MDGA2: variants seen among roughly 807,000 people sequenced by gnomAD.
MDGA2 encodes the protein MAM domain containing glycosylphosphatidylinositol anchor 2.
Under a neutral mutation model 117.8 loss-of-function variants are expected in MDGA2, and 40 were observed. The observed-to-expected ratio is 0.34, with a 90% CI of 0.26 to 0.44. MDGA2 has a LOEUF of 0.44. MDGA2 is among the 20% of genes least tolerant of loss of function. The probability of loss-of-function intolerance (pLI) is 1.00; values close to 1 mark genes in which losing one functional copy is unlikely to be tolerated. For synonymous variants in MDGA2, 452 were observed against 439.0 expected, an observed-to-expected ratio of 1.03 and a Z score of -0.37; for missense variants, 1,123 against 1,250.6, an observed-to-expected ratio of 0.90 and a Z score of 1.54.
At chr14:47,287,035 G>C (rs1296572865) in intron 2 of MDGA2, among the ~76,000 whole-genome samples, 1 of 151,480 alleles carries the variant, frequency 6.6e-6, no homozygotes, top group Non-Finnish European at 1.5e-5. Flanking sequence ...TTAAATAACT[G>C]TACTATATAC....
At position 47,170,548 on chromosome 14, in the gene MDGA2, A is replaced by G. The variant is rs142074890; in HGVS notation, c.596-26274T>C. Reference sequence around the variant, plus strand: ...GACTTAAGAAGTCAAGCAAAGATTCAAGGATTAGTCTATTGAACCTCAAAG... The same window carrying G: ...GACTTAAGAAGTCAAGCAAAGATTCGAGGATTAGTCTATTGAACCTCAAAG... On this transcript the variant is annotated intron_variant, in intron 3 of 16. Coordinates refer to ENST00000399232, the MANE Select transcript of MDGA2 (RefSeq NM_001113498.3). Among the ~76,000 whole-genome samples the G allele has an allele frequency of 4.3e-4, 66 of 152,244 alleles. No homozygotes were observed. The East Asian group carries it at 9.8e-3, about 23-fold the overall frequency.
intron 1 of MDGA2, among the ~76,000 whole-genome samples, chr14:47,469,066 C>A (rs1893663408): frequency 6.6e-6 from 1 of 152,002 alleles, no homozygotes; most frequent in South Asian, 2.1e-4. Context: ...TACATAATAG[C>A]ATAATATAAA....
At chr14:47,324,089 T>C (rs1318426606) in intron 1 of MDGA2, among the ~76,000 whole-genome samples, 1 of 151,236 alleles carries the variant, frequency 6.6e-6, no homozygotes. Context: ...ACTAAAAATA[T>C]AAAAAATTAG....
At chr14:47,178,297 C>A (rs1884558730) in intron 3 of MDGA2, among the ~76,000 whole-genome samples, 2 of 152,106 alleles carry the variant, frequency 1.3e-5, no homozygotes, top group African/African-American at 2.4e-5. Context: ...GCCATTGTTT[C>A]TTTCCATATC....
At chr14:47,614,796 G>A (rs1896919790) in intron 1 of MDGA2, among the ~76,000 whole-genome samples, 1 of 152,084 alleles carries the variant, frequency 6.6e-6, no homozygotes, top group Non-Finnish European at 1.5e-5. Flanking sequence ...ATGTTTCCAG[G>A]GCCTAGTAAT....
At chr14:47,408,078 G>GTTTTT (rs1566772553) in intron 1 of MDGA2, among the ~76,000 whole-genome samples, 103 of 136,268 alleles carry the variant, frequency 7.6e-4, no homozygotes, top group East Asian at 1.8e-3. Context: ...TTTTTTTTTG[G>GTTTTT]TGGCATCTTG....
chr14:47,259,050 A>C (rs2139666678), intron 2 of MDGA2, among the ~76,000 whole-genome samples: 1 of 152,180 alleles, frequency 6.6e-6, no homozygotes, highest in Non-Finnish European at 1.5e-5. Flanking sequence ...TGATACTCAA[A>C]CCTAAAAGCT....
At chr14:47,373,172 G>A (rs1265845713) in intron 1 of MDGA2, among the ~76,000 whole-genome samples, 1 of 151,980 alleles carries the variant, frequency 6.6e-6, no homozygotes, top group African/African-American at 2.4e-5. Flanking sequence ...TTGAAAAGAA[G>A]AAGGGGTGGG....
At chr14:47,024,887 T>C (rs1038364440) in intron 8 of MDGA2, among the ~76,000 whole-genome samples, 9 of 152,114 alleles carry the variant, frequency 5.9e-5, no homozygotes, top group African/African-American at 1.9e-4. Flanking sequence ...GAAATATTCA[T>C]TTGCCAGGAG....
At chr14:47,190,086 C>T (rs1175948190) in intron 3 of MDGA2, among the ~76,000 whole-genome samples, 7 of 152,148 alleles carry the variant, frequency 4.6e-5, no homozygotes, top group Non-Finnish European at 8.8e-5. Flanking sequence ...AAACAGTCCA[C>T]GATAAATTCA....
intron 8 of MDGA2, among the ~76,000 whole-genome samples, chr14:47,023,346 C>T (rs17117914): frequency 0.19 from 29,446 of 151,796 alleles, 3,134 homozygotes; most frequent in African/African-American, 0.25. Context: ...TTTGAAAAAG[C>T]GCTGGAATGG....
intron 12 of MDGA2, among the ~76,000 whole-genome samples, 166 bp from the exon 13 acceptor site, chr14:46,874,366 T>C (rs1882139597): frequency 6.6e-6 from 1 of 151,728 alleles, no homozygotes; most frequent in South Asian, 2.1e-4. Flanking sequence ...ATAAAACCAA[T>C]CTAATTTTAA....
intron 9 of MDGA2, 135 bp from the exon 10 acceptor site, chr14:46,920,295 T>C (rs1432395448): frequency 1.2e-6 from 1 of 827,066 alleles, no homozygotes; most frequent in Non-Finnish European, 1.8e-6. Context: ...TTTCTGGATA[T>C]GTTTTGAGAA....
At chr14:47,278,130 A>G (rs1888363454) in intron 2 of MDGA2, among the ~76,000 whole-genome samples, 2 of 152,156 alleles carry the variant, frequency 1.3e-5, no homozygotes, top group South Asian at 2.1e-4. Context: ...AATGATGAAG[A>G]GTCAAGATAA....
chr14:47,326,971 A>G (rs185151223), intron 1 of MDGA2, among the ~76,000 whole-genome samples: 11 of 152,256 alleles, frequency 7.2e-5, no homozygotes, highest in Admixed American at 2.0e-4. Context: ...GCTGCTTACC[A>G]AGGAGAGGAT....
intron 3 of MDGA2, among the ~76,000 whole-genome samples, chr14:47,168,307 C>G (rs1377646155): frequency 2.2e-5 from 3 of 136,172 alleles, no homozygotes; most frequent in African/African-American, 8.0e-5. Context: ...AAAAAAAAAC[C>G]TTAACATCTT....
chr14:47,475,741 G>T (rs1893822603), intron 1 of MDGA2, among the ~76,000 whole-genome samples: 1 of 152,162 alleles, frequency 6.6e-6, no homozygotes, highest in Non-Finnish European at 1.5e-5. Flanking sequence ...ATCAAACACT[G>T]CATGTTCTCA....
chr14:47,176,161 A>T (rs1342516539), intron 3 of MDGA2, among the ~76,000 whole-genome samples: 1 of 152,218 alleles, frequency 6.6e-6, no homozygotes, highest in Non-Finnish European at 1.5e-5. Context: ...GGATACAAAC[A>T]AATGGAAGAA....
chr14:46,921,900 T>C (rs1884146595), intron 9 of MDGA2, among the ~76,000 whole-genome samples: 1 of 152,096 alleles, frequency 6.6e-6, no homozygotes, highest in Admixed American at 6.6e-5. Context: ...GGTATCTAGA[T>C]TGAATTGGGG....
Sources: allele counts gnomAD v4.1 joint callset (sites outside exome capture counted in the v4.1 genomes callset), GRCh38; gene constraint gnomAD v4.1.1; transcripts MANE v1.5; gene names NCBI Gene and HGNC (gene_info 2026-07-23, HGNC 2026-07-21).